The following LINGO2 variants were observed in gnomAD, a reference collection of about 807,000 sequenced individuals.
LINGO2 encodes the protein leucine-rich repeat and immunoglobulin-like domain-containing nogo receptor-interacting protein 2.
A neutral mutation model predicts 30.6 loss-of-function variants in LINGO2; 14 were observed. The ratio of observed to expected loss-of-function variants is 0.46; its 90% CI spans 0.30 to 0.72. The LOEUF is 0.72. Among genes scored for constraint, LINGO2 ranks in the 30% least tolerant of loss-of-function variants. The probability of loss-of-function intolerance (pLI) is 0.07; values close to 1 mark genes in which losing one functional copy is unlikely to be tolerated. For missense variants in LINGO2, 729 were observed against 751.7 expected, an observed-to-expected ratio of 0.97 and a Z score of 0.35; for synonymous variants, 317 against 288.5, an observed-to-expected ratio of 1.10 and a Z score of -1.00.
the LINGO2 span, among the ~76,000 whole-genome samples, chr9:28,812,737 G>A: frequency 3.3e-5 from 5 of 152,172 alleles, no homozygotes. Context: ...CAAAGTAACT[G>A]TGATTTATTT....
intron 4 of LINGO2, among the ~76,000 whole-genome samples, chr9:28,157,708 C>T (rs1032214326): frequency 1.3e-5 from 2 of 152,138 alleles, no homozygotes; most frequent in African/African-American, 2.4e-5. Flanking sequence ...CTCTTGAATG[C>T]TTTGCTGCTT....
At chr9:27,996,898 A>C (rs1421876228) in intron 5 of LINGO2, among the ~76,000 whole-genome samples, 1 of 152,218 alleles carries the variant, frequency 6.6e-6, no homozygotes, top group Non-Finnish European at 1.5e-5. Flanking sequence ...ATCAATAAAG[A>C]ATAAAAATTA....
the LINGO2 span, among the ~76,000 whole-genome samples, chr9:28,859,788 A>G: frequency 1.3e-5 from 2 of 152,174 alleles, no homozygotes; most frequent in African/African-American, 4.8e-5. Flanking sequence ...CAGCAAATAT[A>G]TATTTTGGTA....
At chr9:28,057,095 CTGTTGCGCTTATGAA>C (rs1824965516) in intron 4 of LINGO2, among the ~76,000 whole-genome samples, 1 of 152,066 alleles carries the variant, frequency 6.6e-6, no homozygotes, top group African/African-American at 2.4e-5. Flanking sequence ...GAAGTAGTGG[CTGTTGCGCTTATGAA>C]TGAATGCAGT....
chr9:28,613,162 CTTCTT>C (rs1479291800), intron 1 of LINGO2, among the ~76,000 whole-genome samples: 7 of 152,076 alleles, frequency 4.6e-5, no homozygotes, highest in Non-Finnish European at 1.0e-4. Flanking sequence ...GTCAATTAAA[CTTCTT>C]TTCTTTATAA....
intron 4 of LINGO2, among the ~76,000 whole-genome samples, chr9:28,035,516 G>T (rs190126776): frequency 1.5e-3 from 234 of 152,262 alleles, no homozygotes; most frequent in African/African-American, 5.4e-3. Context: ...TGAAATAGTC[G>T]AATTTTTGGT....
At chr9:28,605,732 A>C (rs1189013985) in intron 1 of LINGO2, among the ~76,000 whole-genome samples, 1 of 152,012 alleles carries the variant, frequency 6.6e-6, no homozygotes, top group African/African-American at 2.4e-5. Flanking sequence ...AGGGGTGTGC[A>C]AACTGCAGCT....
At chr9:28,502,247 T>G (rs1299110988) in intron 1 of LINGO2, among the ~76,000 whole-genome samples, 2 of 152,024 alleles carry the variant, frequency 1.3e-5, no homozygotes, top group African/African-American at 4.8e-5. Flanking sequence ...CACCCTCTAC[T>G]TGTCTGTATC....
At chr9:27,944,165 C>T (rs1318055213), downstream of LINGO2, 1 of 152,142 alleles carries the variant, frequency 6.6e-6, no homozygotes, top group African/African-American at 2.4e-5. Flanking sequence ...TTTGAGAAGA[C>T]ATGCAGTTAC....
the LINGO2 span, among the ~76,000 whole-genome samples, chr9:28,912,854 T>C: frequency 2.0e-5 from 3 of 152,156 alleles, no homozygotes; most frequent in African/African-American, 7.2e-5. Flanking sequence ...TTCCTGACTT[T>C]TGGATTCATG....
the LINGO2 span, among the ~76,000 whole-genome samples, chr9:28,959,023 G>C: frequency 6.6e-6 from 1 of 152,220 alleles, no homozygotes; most frequent in Middle Eastern, 3.4e-3. Context: ...AATCATTGGA[G>C]AAATCTGTGG....
the LINGO2 span, among the ~76,000 whole-genome samples, chr9:28,969,974 T>C: frequency 2.6e-5 from 4 of 152,210 alleles, no homozygotes; most frequent in Admixed American, 2.6e-4. Flanking sequence ...GAAGAGAGTT[T>C]GATCTAGAAA....
At chr9:28,104,046 G>A (rs1385878825) in intron 4 of LINGO2, among the ~76,000 whole-genome samples, 1 of 151,800 alleles carries the variant, frequency 6.6e-6, no homozygotes, top group African/African-American at 2.4e-5. Flanking sequence ...TTATTTTAAA[G>A]GGGGAAAAAA....
At chr9:28,938,682 CCTAGGAGCAATAGGCTACACCA>C in the LINGO2 span, among the ~76,000 whole-genome samples, 1 of 152,092 alleles carries the variant, frequency 6.6e-6, no homozygotes, top group East Asian at 1.9e-4. Context: ...AGGTTTGTAG[CCTAGGAGCAATAGGCTACACCA>C]TATAGGTGCA....
In LINGO2 at chr9:28,637,693, G is replaced by C. The variant is rs529467479; in HGVS notation, c.-365+32507C>G. 1.4e-4 allele frequency among the ~76,000 whole-genome samples: 22 copies of C among 152,284 alleles called. 1 individual carries two copies. Among genetic ancestry groups the C allele is most frequent in the African/African-American group, 5.1e-4 (21 of 41,574 alleles). The stretch of plus-strand genomic sequence containing the variant: ...TTTTGAATCCTGAGACTTTGCTGAA[G>C]TTGCTTATCAGCTTAAGGAGATTTT... On this transcript the variant is annotated intron_variant, in intron 1 of 5. Transcript: ENST00000379992.
At chr9:27,971,884 T>G (rs969251474) in intron 5 of LINGO2, among the ~76,000 whole-genome samples, 1 of 152,170 alleles carries the variant, frequency 6.6e-6, no homozygotes, top group African/African-American at 2.4e-5. Context: ...GACAGACACA[T>G]GAATATTATA....
chr9:28,361,051 C>CCATT (rs1186621157), intron 3 of LINGO2, among the ~76,000 whole-genome samples: 4 of 152,288 alleles, frequency 2.6e-5, no homozygotes, highest in African/African-American at 9.6e-5. Flanking sequence ...AAACTGTGTG[C>CCATT]CATTCAGCTC....
At chr9:29,211,954 C>A in the LINGO2 span, among the ~76,000 whole-genome samples, 1 of 152,174 alleles carries the variant, frequency 6.6e-6, no homozygotes, top group Non-Finnish European at 1.5e-5. Flanking sequence ...CGGAGCAACA[C>A]TGAAAGGCAC....
chr9:28,512,755 A>C (rs1190591690), intron 1 of LINGO2, among the ~76,000 whole-genome samples: 3 of 150,624 alleles, frequency 2.0e-5, no homozygotes. Context: ...GGTTGTCTTC[A>C]AGCTGAAGAG....
Sources: allele counts gnomAD v4.1 joint callset (sites outside exome capture counted in the v4.1 genomes callset), GRCh38; gene constraint gnomAD v4.1.1; transcripts MANE v1.5; gene names NCBI Gene and HGNC (gene_info 2026-07-23, HGNC 2026-07-21).